The following CMSS1 variants were observed in gnomAD, a reference collection of about 807,000 sequenced individuals.
CMSS1 encodes the protein cms1 ribosomal small subunit homolog.
A neutral mutation model predicts 43.5 loss-of-function variants in CMSS1; 33 were observed. That is an observed-to-expected ratio of 0.76 (90% CI 0.57 to 1.01). The LOEUF is 1.01. Ranked by LOEUF, CMSS1 falls within the 50% of genes least tolerant of loss-of-function variation. The pLI, the probability that CMSS1 is intolerant of heterozygous loss-of-function variation, is 0.00. For synonymous variants in CMSS1, 115 were observed against 117.2 expected, an observed-to-expected ratio of 0.98 and a Z score of 0.12; for missense variants, 313 against 326.4, an observed-to-expected ratio of 0.96 and a Z score of 0.32.
At chr3:99,895,568 A>G (rs1035269948) in intron 1 of CMSS1, among the ~76,000 whole-genome samples, 1 of 152,286 alleles carries the variant, frequency 6.6e-6, no homozygotes, top group African/African-American at 2.4e-5. Flanking sequence ...TCACAATAGC[A>G]TAACTATGAA....
In CMSS1 at chr3:99,897,004, T is replaced by C. The variant is rs534161481; in HGVS notation, c.64+78961T>C. ...GGAGAAAAGTGCTAGAGAGAATGAT[T>C]TGTTTCTCAGAACAAATTTTTTTTT... is the stretch of plus-strand genomic sequence containing the variant. On this transcript the variant is annotated intron_variant, in intron 1 of 9. Coordinates refer to ENST00000421999, the MANE Select transcript of CMSS1 (RefSeq NM_032359.4). Among the ~76,000 whole-genome samples the C allele has an allele frequency of 5.6e-4, 85 of 152,306 alleles. 1 individual carries two copies. Among genetic ancestry groups the C allele is most frequent in the Middle Eastern group, 6.8e-3 (2 of 294 alleles).
chr3:99,942,560 C>G (rs145604690), intron 1 of CMSS1, among the ~76,000 whole-genome samples: 1,759 of 152,242 alleles, frequency 0.012, 19 homozygotes, highest in African/African-American at 0.026. Flanking sequence ...TGCCAGTCGC[C>G]GTGGCTCACG....
At chr3:100,022,557 C>T (rs1274019401) in intron 1 of CMSS1, among the ~76,000 whole-genome samples, 1 of 152,092 alleles carries the variant, frequency 6.6e-6, no homozygotes, top group African/African-American at 2.4e-5. Context: ...TTTCAGACAC[C>T]CTTGGTTTAT....
In CMSS1 at chr3:99,910,596, T is replaced by C. The variant is rs1706757627; in HGVS notation, c.64+92553T>C. ...ATTTTTGTAGGTAACCTGGGGAGTATTATGTTTTAGCCCTTAGGCTGAAAA... is the reference window on the plus strand; with the variant it reads ...ATTTTTGTAGGTAACCTGGGGAGTACTATGTTTTAGCCCTTAGGCTGAAAA... On this transcript the variant is annotated intron_variant, in intron 1 of 9. Coordinates refer to ENST00000421999, the MANE Select transcript of CMSS1 (RefSeq NM_032359.4). Among the ~76,000 whole-genome samples the C allele has an allele frequency of 2.2e-5, 3 of 136,586 alleles. 1 individual carries two copies. The highest frequency in any genetic ancestry group is 1.6e-4 in the Admixed American group (2 of 12,804). The allele number at this position is 136,586 out of a possible 152,430, so 89.6% of individuals were successfully genotyped here. A position where few individuals can be genotyped will look rare whatever the true frequency, so the allele number is the denominator to read the frequency against.
chr3:99,980,505 A>G (rs1437527054), intron 1 of CMSS1, among the ~76,000 whole-genome samples: 1 of 152,212 alleles, frequency 6.6e-6, no homozygotes, highest in African/African-American at 2.4e-5. Flanking sequence ...CAATAAGTGG[A>G]ATAAAAATGA....
intron 1 of CMSS1, among the ~76,000 whole-genome samples, chr3:99,950,491 A>G (rs940584519): frequency 6.6e-6 from 1 of 152,220 alleles, no homozygotes; most frequent in Non-Finnish European, 1.5e-5. Context: ...TCACTTCTTT[A>G]TATTATCTTC....
At chr3:99,959,089 G>A (rs149344611) in intron 1 of CMSS1, among the ~76,000 whole-genome samples, 67 of 152,102 alleles carry the variant, frequency 4.4e-4, no homozygotes, top group African/African-American at 1.4e-3. Flanking sequence ...GGATATGATG[G>A]TAATTTAAAA....
chr3:100,138,737 G>A (rs2066776835), intron 1 of CMSS1, among the ~76,000 whole-genome samples: 1 of 152,206 alleles, frequency 6.6e-6, no homozygotes, highest in African/African-American at 2.4e-5. Context: ...TTACACTGTT[G>A]GTGGGAGTGT....
At chr3:99,868,396 G>C (rs78310695) in intron 1 of CMSS1, among the ~76,000 whole-genome samples, 1 of 152,120 alleles carries the variant, frequency 6.6e-6, no homozygotes, top group Non-Finnish European at 1.5e-5. Context: ...TCCTACAAAG[G>C]ACCTCCTCTT....
chr3:99,937,030 A>G (rs1430319853), intron 1 of CMSS1, among the ~76,000 whole-genome samples: 2 of 151,836 alleles, frequency 1.3e-5, no homozygotes, highest in Admixed American at 1.3e-4. Context: ...CTCTGCCTCC[A>G]GAGTTCAAGC....
intron 1 of CMSS1, among the ~76,000 whole-genome samples, chr3:99,961,534 A>G (rs987753351): frequency 3.9e-5 from 6 of 152,194 alleles, no homozygotes; most frequent in African/African-American, 1.4e-4. Flanking sequence ...GAACCCATCC[A>G]GTGACGTGCA....
intron 1 of CMSS1, among the ~76,000 whole-genome samples, chr3:100,105,648 G>A (rs1347162095): frequency 6.6e-6 from 1 of 152,134 alleles, no homozygotes; most frequent in Non-Finnish European, 1.5e-5. Context: ...CTGAGGGAAG[G>A]TCATTAATTC....
At chr3:100,160,726 A>C (rs760097505) in intron 3 of CMSS1, among the ~76,000 whole-genome samples, 1 of 152,184 alleles carries the variant, frequency 6.6e-6, no homozygotes, top group Non-Finnish European at 1.5e-5. Context: ...GTGGAGTGCC[A>C]AATATCTTTG....
chr3:100,135,294 C>A (rs2066741405), intron 1 of CMSS1, among the ~76,000 whole-genome samples: 1 of 152,084 alleles, frequency 6.6e-6, no homozygotes, highest in African/African-American at 2.4e-5. Flanking sequence ...AAAACTGCCC[C>A]AAAATATATA....
In CMSS1 at chr3:100,005,392, C is replaced by A. The variant is rs1709959504; in HGVS notation, c.65-141581C>A. 2.6e-5 allele frequency among the ~76,000 whole-genome samples: 4 copies of A among 152,084 alleles called. No homozygotes were observed. In the South Asian group the frequency reaches 6.2e-4, roughly 24 times the overall value. On this transcript the variant is annotated intron_variant, in intron 1 of 9. Coordinates refer to ENST00000421999, the MANE Select transcript of CMSS1 (RefSeq NM_032359.4). ...GGATCTCAGAGTGGGGTCCCTCTAC[C>A]CCCACTGTATAGGAATCTCCTTGGG...
chr3:100,046,877 C>A (rs1400183961), intron 1 of CMSS1, among the ~76,000 whole-genome samples: 1 of 152,108 alleles, frequency 6.6e-6, no homozygotes, highest in Admixed American at 6.6e-5. Context: ...TTCCTATTTT[C>A]CATGGTTCAG....
chr3:99,920,652 G>A (rs1707096600), intron 1 of CMSS1, among the ~76,000 whole-genome samples: 1 of 152,198 alleles, frequency 6.6e-6, no homozygotes. Flanking sequence ...TTCCTGAGCT[G>A]ATCCCTGCCC....
intron 1 of CMSS1, among the ~76,000 whole-genome samples, chr3:99,879,901 C>T (rs1705666002): frequency 6.6e-6 from 1 of 152,134 alleles, no homozygotes; most frequent in Non-Finnish European, 1.5e-5. Context: ...GGTATAGTTC[C>T]ATGGTCCTGC....
At position 100,049,550 on chromosome 3, in the gene CMSS1, G is replaced by A. The variant is rs147479124; in HGVS notation, c.65-97423G>A. Among the ~76,000 whole-genome samples the A allele has an allele frequency of 2.4e-3, 372 of 152,244 alleles. 1 individual carries two copies. The highest frequency in any genetic ancestry group is 8.4e-3 in the African/African-American group (350 of 41,552). On this transcript the variant is annotated intron_variant, in intron 1 of 9. Coordinates refer to ENST00000421999, the MANE Select transcript of CMSS1 (RefSeq NM_032359.4). ...AAAATAATTCATTGAGGGAATAAAAGTGATTAGAATATAAAGCCAGAGATA... is the reference window on the plus strand; with the variant it reads ...AAAATAATTCATTGAGGGAATAAAAATGATTAGAATATAAAGCCAGAGATA...
Sources: gnomAD v4.1 joint callset for allele counts (sites outside exome capture counted in the v4.1 genomes callset) on GRCh38, gnomAD v4.1.1 for gene constraint, MANE v1.5 for transcripts, NCBI Gene and HGNC (gene_info 2026-07-23, HGNC 2026-07-21) for gene names.